The following IFT80 variants were observed in gnomAD, a reference collection of about 807,000 sequenced individuals.
IFT80 encodes intraflagellar transport protein 80 homolog.
A neutral mutation model predicts 107.9 loss-of-function variants in IFT80; 79 were observed. The ratio of observed to expected loss-of-function variants is 0.73; its 90% confidence interval spans 0.61 to 0.88. The LOEUF (loss-of-function observed/expected upper bound fraction) is 0.88. Ranked by LOEUF, IFT80 falls within the 40% of genes least tolerant of loss-of-function variation. The pLI, the probability that IFT80 is intolerant of heterozygous loss-of-function variation, is 0.00. For missense variants in IFT80, 797 were observed against 914.2 expected (o/e 0.87, Z 1.65); for synonymous variants, 299 against 300.9 (o/e 0.99, Z 0.07).
chr3:160,302,599 A>G (rs1394224518), intron 11 of IFT80, among the ~76,000 whole-genome samples: 1 of 152,094 alleles, frequency 6.6e-6, no homozygotes, highest in East Asian at 1.9e-4. Context: ...TATGCCATTA[A>G]TATATGTCTT....
intron 8 of IFT80, among the ~76,000 whole-genome samples, chr3:160,323,352 T>C (rs1234606052): frequency 2.0e-5 from 3 of 151,022 alleles, no homozygotes; most frequent in South Asian, 2.1e-4. Flanking sequence ...GTTGTAGATA[T>C]GCGGCATTAT....
chr3:160,336,038 G>A (rs946830606), intron 8 of IFT80, among the ~76,000 whole-genome samples: 6 of 152,126 alleles, frequency 3.9e-5, no homozygotes, highest in African/African-American at 1.4e-4. Flanking sequence ...ATAGAACATA[G>A]TTTGTTTATA....
At chr3:160,294,828 C>G (rs1261770160) in intron 12 of IFT80, among the ~76,000 whole-genome samples, 1 of 152,196 alleles carries the variant, frequency 6.6e-6, no homozygotes, top group African/African-American at 2.4e-5. Context: ...CTCTCCGTAT[C>G]TCCAGTAAGC....
intron 1 of IFT80, among the ~76,000 whole-genome samples, chr3:160,386,621 C>T (rs910179148): frequency 4.6e-5 from 7 of 152,124 alleles, no homozygotes; most frequent in Admixed American, 3.9e-4. Flanking sequence ...AGAGTCCAAC[C>T]ACTAAAATAC....
At chr3:160,329,882 T>C (rs368683868) in intron 8 of IFT80, among the ~76,000 whole-genome samples, 25 of 152,284 alleles carry the variant, frequency 1.6e-4, no homozygotes, top group African/African-American at 5.8e-4. Flanking sequence ...GAACCTAAGA[T>C]GGGAAGAAGA....
intron 1 of IFT80, among the ~76,000 whole-genome samples, chr3:160,397,741 G>C (rs1340576168): frequency 1.2e-5 from 1 of 80,636 alleles, no homozygotes; most frequent in African/African-American, 6.5e-5. Flanking sequence ...TTTTTTTTGA[G>C]ACGCAGTTTC....
chr3:160,398,468 T>C (rs553098164), intron 1 of IFT80, among the ~76,000 whole-genome samples: 21 of 152,340 alleles, frequency 1.4e-4, no homozygotes, highest in South Asian at 6.2e-4. Flanking sequence ...ATACTGGAGA[T>C]AGTCAAATGA....
Position 160,258,652 on chromosome 3 carries a change from A to AG in IFT80, c.2224-18_2224-17insC. 2 of 1,609,536 alleles carry AG rather than the reference A, an allele frequency of 1.2e-6. No homozygotes were observed. Among genetic ancestry groups the AG allele is most frequent in the East Asian group, 2.2e-5 (1 of 44,820 alleles). On this transcript the variant is annotated splice_polypyrimidine_tract_variant and intron_variant, in intron 19 of 19. Transcript: ENST00000326448. ...TATTTGGAGCTGCAATAGAAAAAAA[A>AG]AAGAAGAAATATGCTTAGATAGTGT...
At chr3:160,290,688 C>A (rs1471828715) in intron 12 of IFT80, among the ~76,000 whole-genome samples, 3 of 152,076 alleles carry the variant, frequency 2.0e-5, no homozygotes, top group Admixed American at 1.3e-4. Flanking sequence ...TCAAGCAATT[C>A]TCCTGCCTCA....
intron 18 of IFT80, among the ~76,000 whole-genome samples, chr3:160,272,894 A>T (rs1713930472): frequency 6.6e-6 from 1 of 152,212 alleles, no homozygotes; most frequent in Non-Finnish European, 1.5e-5. Flanking sequence ...TTCTATACAC[A>T]TATTCAATGT....
chr3:160,295,518 G>A (rs542908731), intron 12 of IFT80, among the ~76,000 whole-genome samples: 1 of 152,034 alleles, frequency 6.6e-6, no homozygotes, highest in African/African-American at 2.4e-5. Flanking sequence ...GAGGCAGGAG[G>A]ATCACTTGAG....
At chr3:160,272,843 C>T (rs932877906) in intron 18 of IFT80, among the ~76,000 whole-genome samples, 8 of 152,124 alleles carry the variant, frequency 5.3e-5, no homozygotes, top group Admixed American at 5.2e-4. Context: ...ATAGCTTAAC[C>T]ATTACCTTAT....
chr3:160,367,980 A>G (rs1444794164), intron 5 of IFT80, among the ~76,000 whole-genome samples: 2 of 151,942 alleles, frequency 1.3e-5, no homozygotes, highest in Admixed American at 6.6e-5. Context: ...TAACCCAACT[A>G]TATTTACAAA....
At chr3:160,324,155 G>C (rs1395552327) in intron 8 of IFT80, among the ~76,000 whole-genome samples, 2 of 151,882 alleles carry the variant, frequency 1.3e-5, no homozygotes, top group Admixed American at 1.3e-4. Context: ...CCAACCAAAA[G>C]GAGTCCAGGA....
At chr3:160,299,699 A>G (rs1335860030) in intron 12 of IFT80, among the ~76,000 whole-genome samples, 2 of 152,072 alleles carry the variant, frequency 1.3e-5, no homozygotes, top group Non-Finnish European at 2.9e-5. Flanking sequence ...TGACCACCAA[A>G]TTTATATCTC....
intron 8 of IFT80, among the ~76,000 whole-genome samples, chr3:160,333,041 A>G (rs1183835346): frequency 1.3e-5 from 2 of 152,224 alleles, no homozygotes; most frequent in Admixed American, 1.3e-4. Flanking sequence ...GGTATAGCCT[A>G]TTGCTCCTAG....
chr3:160,380,127 G>C (rs989833098), intron 3 of IFT80, among the ~76,000 whole-genome samples: 1 of 151,270 alleles, frequency 6.6e-6, no homozygotes, highest in Non-Finnish European at 1.5e-5. Flanking sequence ...CTGCATTCCA[G>C]GTTCAAGCAA....
chr3:160,303,972 GT>G lies in IFT80; in HGVS notation c.1093del (p.Thr365HisfsTer14), dbSNP rs1716635335. On this transcript the variant is annotated frameshift_variant, in exon 11 of 20. Coordinates refer to ENST00000326448, the MANE Select transcript of IFT80 (RefSeq NM_020800.3). LOFTEE classifies it high-confidence loss of function. ...CYVFSTKNWN[T>X]PIIFDLKEGT... Reference sequence around the variant, plus strand: ...TTCTTTGAGATCAAATATAATTGGTGTGTTCCAGTTCTTCGTGCTAAAAGAC... The same window carrying G: ...TTCTTTGAGATCAAATATAATTGGTGGTTCCAGTTCTTCGTGCTAAAAGAC... 6.2e-7 allele frequency: 1 copy of G among 1,609,964 alleles called. No homozygotes were observed. The highest frequency in any genetic ancestry group is 8.5e-7 in the Non-Finnish European group (1 of 1,176,708).
chr3:160,285,682 G>T, intron 13 of IFT80, 122 bp downstream of exon 13: 1 of 692,192 alleles, frequency 1.4e-6, no homozygotes, highest in African/African-American at 1.8e-5. Flanking sequence ...AATGGAGAAT[G>T]CACATTGATT....
Sources: gnomAD v4.1 joint callset for allele counts (sites outside exome capture counted in the v4.1 genomes callset) on GRCh38, gnomAD v4.1.1 for gene constraint, MANE v1.5 for transcripts, NCBI Gene and HGNC (gene_info 2026-07-23, HGNC 2026-07-21) for gene names.